Variants in ABCB9 observed in about 807,000 individuals in gnomAD.
ABCB9 encodes ABC-type oligopeptide transporter ABCB9.
In ABCB9, 36 loss-of-function variants were observed where a neutral mutation model predicts 62.0. The observed-to-expected ratio is 0.58, with a 90% CI of 0.45 to 0.77. The LOEUF (loss-of-function observed/expected upper bound fraction) is 0.77. Ranked by LOEUF, ABCB9 falls within the 30% of genes least tolerant of loss-of-function variation. The probability of loss-of-function intolerance (pLI) is 0.00; values close to 1 mark genes in which losing one functional copy is unlikely to be tolerated. For missense variants in ABCB9, 943 were observed against 1,054.7 expected, an observed-to-expected ratio of 0.89 and a Z score of 1.47; for synonymous variants, 435 against 461.4, an observed-to-expected ratio of 0.94 and a Z score of 0.73.
upstream of ABCB9, among the ~76,000 whole-genome samples, chr12:122,967,227 A>C (rs1026452804): frequency 6.6e-6 from 1 of 152,232 alleles, no homozygotes; most frequent in Non-Finnish European, 1.5e-5. Flanking sequence ...TCAGCAAGTA[A>C]GTGCATAAGG....
At position 122,923,545 on chromosome 12, in the gene ABCB9, T is replaced by C. The variant is rs568631987; in HGVS notation, c.2041-2502A>G. Among the ~76,000 whole-genome samples, 8 of 152,256 alleles carry C rather than the reference T, an allele frequency of 5.3e-5. No individual in the cohort carries two copies. The South Asian group carries it at 1.4e-3, about 28-fold the overall frequency. On this transcript the variant is annotated intron_variant, in intron 11 of 11. Coordinates refer to the ABCB9 transcript ENST00000344275. Reference sequence around the variant, plus strand: ...ACCTCGTGATCCGCCCGCCTTGGCCTCCCAAAGTGCTGGGATTACAGACAT... The same window carrying C: ...ACCTCGTGATCCGCCCGCCTTGGCCCCCCAAAGTGCTGGGATTACAGACAT...
In ABCB9 at chr12:122,950,446, G is replaced by C. The variant is rs746159557; in HGVS notation, c.716+5C>G. 6.2e-7 allele frequency: 1 copy of C among 1,607,940 alleles called. No homozygotes were observed. Among genetic ancestry groups the C allele is most frequent in the African/African-American group, 1.3e-5 (1 of 74,908 alleles). On this transcript the variant is annotated splice_donor_5th_base_variant and intron_variant, in intron 3 of 11. Coordinates refer to ENST00000280560, the MANE Select transcript of ABCB9 (RefSeq NM_019625.4). ...GGGGCAGGGCGTGGGGGTTGAGCCA[G>C]CTACCTGCCAATGGCCAGCAGGCAC...
chr12:122,942,808 T>C lies in ABCB9; in HGVS notation c.1380+1583A>G, dbSNP rs188860943. Among the ~76,000 whole-genome samples, 5 of 152,132 alleles carry C rather than the reference T, an allele frequency of 3.3e-5. No homozygotes were observed. The East Asian group carries it at 9.7e-4, about 29-fold the overall frequency. ...GACAATGTGAGACTGTCTCAAATAGTAATGATAATAAATAAACAACACTGC... is the reference window on the plus strand; with the variant it reads ...GACAATGTGAGACTGTCTCAAATAGCAATGATAATAAATAAACAACACTGC... On this transcript the variant is annotated intron_variant, in intron 7 of 11. Coordinates refer to ENST00000280560, the MANE Select transcript of ABCB9 (RefSeq NM_019625.4).
intron 11 of ABCB9, among the ~76,000 whole-genome samples, chr12:122,922,834 C>T (rs1409168582): frequency 6.6e-6 from 1 of 152,176 alleles, no homozygotes; most frequent in African/African-American, 2.4e-5. Flanking sequence ...GCTCTATCAC[C>T]CGGGCTGGAG....
At chr12:122,949,534 C>A (rs1203179482) in intron 4 of ABCB9, among the ~76,000 whole-genome samples, 1 of 152,228 alleles carries the variant, frequency 6.6e-6, no homozygotes, top group East Asian at 1.9e-4. Flanking sequence ...GAAAGCAAGG[C>A]CTTGGCTCCT....
chr12:122,968,137 T>TA (rs2037227736), upstream of ABCB9, among the ~76,000 whole-genome samples: 1 of 151,600 alleles, frequency 6.6e-6, no homozygotes, highest in Admixed American at 6.6e-5. Context: ...ATGTATTGAG[T>TA]AAAAACCAAG....
chr12:122,949,744 T>C (rs367736974), intron 4 of ABCB9, 44 bp downstream of exon 4: 489 of 1,609,898 alleles, frequency 3.0e-4, no homozygotes, highest in Non-Finnish European at 3.9e-4. Context: ...CCCACAGGGG[T>C]GGGGCCCAGC....
chr12:122,954,312 G>A (rs1217704889), intron 2 of ABCB9, among the ~76,000 whole-genome samples: 1 of 151,974 alleles, frequency 6.6e-6, no homozygotes, highest in Non-Finnish European at 1.5e-5. Flanking sequence ...GGGTTCAAGC[G>A]ATTCTCCTGC....
downstream of ABCB9, among the ~76,000 whole-genome samples, chr12:122,919,885 A>ATTTT (rs1555268643): frequency 1.8e-5 from 1 of 55,136 alleles, no homozygotes; most frequent in African/African-American, 4.5e-5. Context: ...TTGTTTGTTT[A>ATTTT]TTTATTTATT....
At chr12:122,942,851 A>G (rs2035838932) in intron 7 of ABCB9, among the ~76,000 whole-genome samples, 1 of 152,168 alleles carries the variant, frequency 6.6e-6, no homozygotes, top group African/African-American at 2.4e-5. Flanking sequence ...ATCTCTGGAC[A>G]TACATCTTCG....
At chr12:122,956,805 C>T (rs559076741) in intron 2 of ABCB9, among the ~76,000 whole-genome samples, 1 of 152,160 alleles carries the variant, frequency 6.6e-6, no homozygotes, top group Non-Finnish European at 1.5e-5. Context: ...TAGGCATGAG[C>T]CACTGTGCCC....
rs148222372 is a variant in ABCB9 at position 122,922,629 on chromosome 12, T to G, written c.2041-1586A>C. ...CCTGGCCTCAAGTGTTCCGCTCACC[T>G]TGGCCTCCCAAAGTGCTGGGATTAC... On this transcript the variant is annotated intron_variant, in intron 11 of 11. Transcript: ENST00000344275. Among the ~76,000 whole-genome samples the G allele has an allele frequency of 9.4e-3, 1,435 of 152,326 alleles. 22 individuals carry two copies. The highest frequency in any genetic ancestry group is 0.032 in the African/African-American group (1,346 of 41,572).
At chr12:122,972,210 A>G (rs2037284480) in intron 1 of ABCB9, among the ~76,000 whole-genome samples, 1 of 151,802 alleles carries the variant, frequency 6.6e-6, no homozygotes, top group African/African-American at 2.4e-5. Context: ...GCGCCCGGCT[A>G]ATTTTTTGTA....
At chr12:122,950,092 C>T (rs2036281167) in intron 3 of ABCB9, among the ~76,000 whole-genome samples, 174 bp from the exon 4 acceptor site, 1 of 152,154 alleles carries the variant, frequency 6.6e-6, no homozygotes, top group Non-Finnish European at 1.5e-5. Context: ...AAGGTGAGGG[C>T]AAAGGGGACA....
At chr12:122,924,714 C>T (rs553658828), downstream of ABCB9, 18 of 1,531,408 alleles carry the variant, frequency 1.2e-5, no homozygotes, top group South Asian at 1.2e-5. Flanking sequence ...TTCATTCTCT[C>T]TCATCCCTGC....
intron 11 of ABCB9, chr12:122,931,836 G>GT (rs1209906009): frequency 1.4e-5 from 4 of 287,480 alleles, no homozygotes; most frequent in Non-Finnish European, 2.0e-5. Flanking sequence ...TAGAGATGGG[G>GT]TTTCACCATG....
chr12:122,947,511 C>A lies in ABCB9; in HGVS notation c.1053+1113G>T. 1 of 453,962 alleles carries A rather than the reference C, an allele frequency of 2.2e-6. No homozygotes were observed. The highest frequency in any genetic ancestry group is 2.0e-5 in the African/African-American group (1 of 50,138). 28.1% of individuals were successfully genotyped at this position (453,962 alleles called of 1,614,324 possible). A position where few individuals can be genotyped will look rare whatever the true frequency, so the allele number is the denominator to read the frequency against. On this transcript the variant is annotated intron_variant, in intron 5 of 11. Transcript: ENST00000280560. The surrounding 1 kb of genome is among the most constrained non-coding windows in gnomAD (Gnocchi z 6.0). The stretch of plus-strand genomic sequence containing the variant: ...CTGGAGGCCGTCATGCATCCAAGCC[C>A]CTGCTCTAGAAGTACCCCACGTGGG...
intron 9 of ABCB9, among the ~76,000 whole-genome samples, chr12:122,938,493 C>T (rs2035570406): frequency 6.6e-6 from 1 of 152,082 alleles, no homozygotes; most frequent in Admixed American, 6.5e-5. Context: ...GACTGTGCCA[C>T]TGCACTCCAG....
rs1416675017 is a variant in ABCB9, at chr12:122,964,254, G to A, written c.-88+2033C>T. On this transcript the variant is annotated intron_variant, in intron 1 of 11. Transcript: ENST00000280560. The surrounding 1 kb of genome is among the most constrained non-coding windows in gnomAD (Gnocchi z 4.7). Reference sequence around the variant, plus strand: ...TCCCAACCTGACTCCCAGCCTCTGGGGGAATTCCTTCCCCATCCCCCAACA... The same window carrying A: ...TCCCAACCTGACTCCCAGCCTCTGGAGGAATTCCTTCCCCATCCCCCAACA... 6.6e-6 allele frequency among the ~76,000 whole-genome samples: 1 copy of A among 152,194 alleles called. No individual in the cohort carries two copies. The highest frequency in any genetic ancestry group is 1.5e-5 in the Non-Finnish European group (1 of 68,024).
Sources: allele counts gnomAD v4.1 joint callset (sites outside exome capture counted in the v4.1 genomes callset), GRCh38; gene constraint gnomAD v4.1.1; non-coding constraint Gnocchi (gnomAD v3.1); transcripts MANE v1.5; gene names NCBI Gene and HGNC (gene_info 2026-07-23, HGNC 2026-07-21).